SAP30BP: variants seen among roughly 807,000 people sequenced by gnomAD.
The protein encoded by SAP30BP is SAP30 binding protein.
SAP30BP carries 31 observed loss-of-function variants against 46.3 expected under a neutral mutation model. That is an observed-to-expected ratio of 0.67 (90% CI 0.50 to 0.90). The LOEUF (loss-of-function observed/expected upper bound fraction) is 0.90. SAP30BP is among the 40% of genes least tolerant of loss of function. SAP30BP has a pLI of 0.00. For missense variants in SAP30BP, 312 were observed against 391.0 expected (o/e 0.80, Z 1.70); for synonymous variants, 169 against 144.2 (o/e 1.17, Z -1.23).
chr17:75,677,510 G>A (rs1228991180), intron 3 of SAP30BP, among the ~76,000 whole-genome samples: 2 of 145,190 alleles, frequency 1.4e-5, no homozygotes, highest in Non-Finnish European at 3.0e-5. Flanking sequence ...TCAGCTCACT[G>A]CAGCCTTCAC....
chr17:75,675,333 T>C lies in SAP30BP; in HGVS notation c.264+3470T>C, dbSNP rs555571032. ...GCCCAGCTAATTTTTGTATTTTTAG[T>C]AGAGACGGGGTTTCACCATGTTGGC... On this transcript the variant is annotated intron_variant, in intron 3 of 10. Coordinates refer to ENST00000584667, the MANE Select transcript of SAP30BP (RefSeq NM_013260.8). Among the ~76,000 whole-genome samples, 248 of 152,126 alleles carry C rather than the reference T, an allele frequency of 1.6e-3. 5 individuals are homozygous for C. In the South Asian group the frequency reaches 0.023, roughly 14 times the overall value.
intron 3 of SAP30BP, among the ~76,000 whole-genome samples, chr17:75,687,919 T>TGG (rs1379343679): frequency 9.5e-4 from 88 of 92,666 alleles, no homozygotes; most frequent in Non-Finnish European, 1.7e-3. Flanking sequence ...GTGTTTGGGG[T>TGG]GTGTGTGTGT....
intron 2 of SAP30BP, among the ~76,000 whole-genome samples, chr17:75,670,897 GAAA>G (rs1386678762): frequency 1.3e-5 from 2 of 152,188 alleles, no homozygotes; most frequent in East Asian, 3.8e-4. Flanking sequence ...AGTTTCAAAT[GAAA>G]CCATTTTTTC....
chr17:75,684,202 G>A (rs2060124873), intron 3 of SAP30BP, among the ~76,000 whole-genome samples: 3 of 152,184 alleles, frequency 2.0e-5, no homozygotes, highest in Admixed American at 6.5e-5. Context: ...CTGCTTCATT[G>A]TGTTTTACCT....
chr17:75,700,028 C>G, intron 5 of SAP30BP, 157 bp downstream of exon 5: 1 of 551,912 alleles, frequency 1.8e-6, no homozygotes, highest in Non-Finnish European at 3.3e-6. Context: ...TCCACTTTAC[C>G]TCCTGTTAGC....
chr17:75,688,633 T>C (rs975093672), intron 3 of SAP30BP, among the ~76,000 whole-genome samples: 1 of 152,174 alleles, frequency 6.6e-6, no homozygotes, highest in Non-Finnish European at 1.5e-5. Flanking sequence ...GGAAGCATTG[T>C]TGGCTGTAAA....
In SAP30BP at chr17:75,693,194, G is replaced by A. The variant is rs541797027; in HGVS notation, c.265-246G>A. On this transcript the variant is annotated intron_variant, in intron 3 of 10. Coordinates refer to ENST00000584667, the MANE Select transcript of SAP30BP (RefSeq NM_013260.8). ...GTTCTCCTCAGCGATGGTGGGTTTG[G>A]TCACTGAAAAGGCATGGAGGAGAGA... is the stretch of plus-strand genomic sequence containing the variant. The A allele has an allele frequency of 6.5e-4, 320 of 493,038 alleles. 1 individual carries two copies. Among genetic ancestry groups the A allele is most frequent in the African/African-American group, 4.4e-3 (225 of 51,186 alleles). 30.5% of individuals were successfully genotyped at this position (493,038 alleles called of 1,614,324 possible). A position where few individuals can be genotyped will look rare whatever the true frequency, so the allele number is the denominator to read the frequency against.
intron 5 of SAP30BP, among the ~76,000 whole-genome samples, chr17:75,701,687 C>T (rs1381096957): frequency 1.3e-5 from 2 of 152,204 alleles, no homozygotes; most frequent in African/African-American, 4.8e-5. Context: ...CTATTCCCGC[C>T]TCCCGTTAAA....
intron 3 of SAP30BP, chr17:75,684,170 A>C (rs1397139800): frequency 6.6e-6 from 1 of 152,212 alleles, no homozygotes; most frequent in Admixed American, 6.5e-5. Flanking sequence ...TTGAATTTCA[A>C]CATTGCCATT....
intron 4 of SAP30BP, 108 bp from the exon 5 acceptor site, chr17:75,699,673 CAT>C: frequency 1.4e-6 from 1 of 719,482 alleles, no homozygotes; most frequent in Admixed American, 2.0e-5. Context: ...GTACTGTTTT[CAT>C]AGTGTTTATC....
In SAP30BP at chr17:75,671,776, G is replaced by A. The variant is rs746017734; in HGVS notation, c.217-40G>A. 4.9e-5 allele frequency: 77 copies of A among 1,557,424 alleles called. No individual in the cohort carries two copies. In the Admixed American group the frequency reaches 5.8e-4, roughly 12 times the overall value. On this transcript the variant is annotated intron_variant, in intron 2 of 10. Coordinates refer to ENST00000584667, the MANE Select transcript of SAP30BP (RefSeq NM_013260.8). Reference sequence around the variant, plus strand: ...TATGCATGTGAGACTCCTCAGGCCCGCTCCTTTAAGCTTAATCCTCTAAAT... The same window carrying A: ...TATGCATGTGAGACTCCTCAGGCCCACTCCTTTAAGCTTAATCCTCTAAAT...
At chr17:75,686,028 G>T (rs935705900) in intron 3 of SAP30BP, among the ~76,000 whole-genome samples, 3 of 152,194 alleles carry the variant, frequency 2.0e-5, no homozygotes, top group Admixed American at 6.5e-5. Context: ...AAGTCTAGTT[G>T]GTTGTAACAT....
chr17:75,683,976 C>T (rs1306062012), intron 3 of SAP30BP: 2 of 152,218 alleles, frequency 1.3e-5, no homozygotes, highest in East Asian at 3.8e-4. Flanking sequence ...TTCACTCTGA[C>T]CTGCTAGAGA....
chr17:75,682,780 A>G (rs141892643), intron 3 of SAP30BP, among the ~76,000 whole-genome samples: 11,389 of 141,270 alleles, frequency 0.081, 431 homozygotes, highest in Middle Eastern at 0.15. Flanking sequence ...TGGCCAACAT[A>G]GTGAAACCCC....
At chr17:75,703,913 T>C in intron 8 of SAP30BP, 54 bp downstream of exon 8, 1 of 1,288,142 alleles carries the variant, frequency 7.8e-7, no homozygotes, top group Non-Finnish European at 1.1e-6. Flanking sequence ...GACTGTCCCT[T>C]TATCCAGTCA....
intron 3 of SAP30BP, among the ~76,000 whole-genome samples, chr17:75,677,412 C>T (rs890876774): frequency 6.7e-6 from 1 of 148,966 alleles, no homozygotes; most frequent in Admixed American, 6.8e-5. Context: ...CTATGGCTGA[C>T]CATTCTTAAG....
chr17:75,670,455 A>G (rs577343723), intron 2 of SAP30BP, among the ~76,000 whole-genome samples: 2 of 152,316 alleles, frequency 1.3e-5, no homozygotes, highest in South Asian at 4.1e-4. Context: ...TATTCAGAAA[A>G]GTTTTGCAAG....
Position 75,704,801 on chromosome 17 carries a change from A to G in SAP30BP, c.647A>G (p.Lys216Arg). 6.2e-7 allele frequency: 1 copy of G among 1,613,522 alleles called. No homozygotes were observed. The highest frequency in any genetic ancestry group is 8.5e-7 in the Non-Finnish European group (1 of 1,179,640). Residue 216 changes from lysine (K) to arginine (R), a missense_variant, in exon 9 of 11, where the codon AAG becomes AGG. Lys to Arg is a conservative substitution (Grantham distance 26). Transcript: ENST00000584667. ...IEMDKLEKAK[K>R]ERTKIEFVTG... Reference sequence around the variant, plus strand: ...ATGGACAAATTGGAAAAGGCCAAAAAGGAGCGAACAAAAGTAAGTGATGGC... The same window carrying G: ...ATGGACAAATTGGAAAAGGCCAAAAGGGAGCGAACAAAAGTAAGTGATGGC...
chr17:75,704,875 G>A, intron 9 of SAP30BP, 61 bp downstream of exon 9: 1 of 1,367,174 alleles, frequency 7.3e-7, no homozygotes, highest in Admixed American at 1.7e-5. Context: ...GGTCCTGCTG[G>A]CTGAGCCCAG....
Sources: gnomAD v4.1 joint callset for allele counts (sites outside exome capture counted in the v4.1 genomes callset) on GRCh38, gnomAD v4.1.1 for gene constraint, MANE v1.5 for transcripts, NCBI Gene and HGNC (gene_info 2026-07-23, HGNC 2026-07-21) for gene names.